Variants in CA10 observed in about 807,000 individuals in gnomAD.
CA10 encodes the protein carbonic anhydrase-related protein 10.
Under a neutral mutation model 44.2 loss-of-function variants are expected in CA10, and 14 were observed. The observed-to-expected ratio is 0.32, with a 90% CI of 0.21 to 0.50. CA10 has a LOEUF of 0.50. Among genes scored for constraint, CA10 ranks in the 20% least tolerant of loss-of-function variants. CA10 has a pLI of 0.99. For synonymous variants in CA10, 159 were observed against 141.6 expected, an observed-to-expected ratio of 1.12 and a Z score of -0.87; for missense variants, 350 against 409.7, an observed-to-expected ratio of 0.85 and a Z score of 1.26.
intron 6 of CA10, 133 bp from the exon 7 acceptor site, chr17:51,636,142 CT>C: frequency 2.1e-6 from 1 of 478,012 alleles, no homozygotes; most frequent in Non-Finnish European, 3.5e-6. Context: ...ATATGTATTT[CT>C]TTTGGAATTC....
intron 4 of CA10, among the ~76,000 whole-genome samples, chr17:51,738,957 G>T (rs1904351567): frequency 6.6e-6 from 1 of 152,042 alleles, no homozygotes; most frequent in African/African-American, 2.4e-5. Context: ...GCCCTTTCTG[G>T]CATTTGATTT....
At chr17:51,731,651 G>A (rs565232529) in intron 4 of CA10, among the ~76,000 whole-genome samples, 105 of 39,326 alleles carry the variant, frequency 2.7e-3, no homozygotes, top group Admixed American at 8.2e-3. Flanking sequence ...GAAAGGGGCT[G>A]GTAAAAAAAA....
At chr17:51,984,899 A>G (rs915325444) in intron 2 of CA10, among the ~76,000 whole-genome samples, 1 of 151,916 alleles carries the variant, frequency 6.6e-6, no homozygotes, top group Non-Finnish European at 1.5e-5. Context: ...CCAAGACCAC[A>G]CGGATTCACA....
chr17:52,098,091 C>A (rs1988450383), intron 1 of CA10, among the ~76,000 whole-genome samples: 1 of 152,114 alleles, frequency 6.6e-6, no homozygotes, highest in Non-Finnish European at 1.5e-5. Context: ...GGTTGGTGCC[C>A]AGAACTGCTG....
chr17:51,874,388 TAAAA>T (rs780808287), intron 3 of CA10, among the ~76,000 whole-genome samples: 1 of 127,458 alleles, frequency 7.8e-6, no homozygotes, highest in African/African-American at 2.8e-5. Context: ...GAGTAATTAT[TAAAA>T]AAAAAAAAAA....
chr17:52,022,486 C>T (rs1356798977), intron 2 of CA10, among the ~76,000 whole-genome samples: 1 of 152,052 alleles, frequency 6.6e-6, no homozygotes, highest in Non-Finnish European at 1.5e-5. Context: ...GACAAACCCA[C>T]AGCCAACACC....
intron 2 of CA10, among the ~76,000 whole-genome samples, chr17:52,058,381 C>T (rs1987287675): frequency 6.6e-6 from 1 of 152,184 alleles, no homozygotes; most frequent in African/African-American, 2.4e-5. Flanking sequence ...ACACATTTCT[C>T]ATTGTCTTAT....
intron 3 of CA10, among the ~76,000 whole-genome samples, chr17:51,797,156 A>T (rs1291426323): frequency 1.3e-5 from 2 of 152,266 alleles, no homozygotes; most frequent in Non-Finnish European, 2.9e-5. Flanking sequence ...CAGCCTTGTC[A>T]TGGGTAGCTC....
At chr17:51,762,154 G>A (rs530474769) in intron 3 of CA10, 1 of 152,170 alleles carries the variant, frequency 6.6e-6, no homozygotes, top group Non-Finnish European at 1.5e-5. Context: ...AGAAACTGAG[G>A]CTCAGTGAGG....
chr17:51,632,842 CCA>C (rs1189822196), intron 8 of CA10, among the ~76,000 whole-genome samples: 1 of 152,122 alleles, frequency 6.6e-6, no homozygotes, highest in African/African-American at 2.4e-5. Context: ...TGGGTGTGCA[CCA>C]CAGAGTTACA....
chr17:51,750,720 C>T (rs1904863128), intron 3 of CA10, among the ~76,000 whole-genome samples: 1 of 152,186 alleles, frequency 6.6e-6, no homozygotes, highest in African/African-American at 2.4e-5. Flanking sequence ...AAGCACAGAA[C>T]CATGGGATTC....
intron 4 of CA10, among the ~76,000 whole-genome samples, chr17:51,668,435 C>T (rs978758831): frequency 6.6e-6 from 1 of 152,336 alleles, no homozygotes; most frequent in Middle Eastern, 3.4e-3. Context: ...GGCCAGGATG[C>T]TTTGAAACTG....
chr17:51,818,744 C>T (rs941664104), intron 3 of CA10, among the ~76,000 whole-genome samples: 2 of 152,166 alleles, frequency 1.3e-5, no homozygotes, highest in Non-Finnish European at 2.9e-5. Context: ...TCCATGGTGC[C>T]TCTGCCACTG....
chr17:52,043,077 A>G (rs1860380977), intron 2 of CA10, among the ~76,000 whole-genome samples: 1 of 151,786 alleles, frequency 6.6e-6, no homozygotes, highest in South Asian at 2.1e-4. Context: ...GGATATTCAG[A>G]GCTGTTTGTG....
intron 3 of CA10, among the ~76,000 whole-genome samples, chr17:51,927,393 T>A (rs918746730): frequency 6.6e-6 from 1 of 152,158 alleles, no homozygotes; most frequent in Non-Finnish European, 1.5e-5. Context: ...TTAATATGTT[T>A]TTTCTCCTTT....
At chr17:51,659,399 T>C (rs1204673064) in intron 4 of CA10, among the ~76,000 whole-genome samples, 6 of 152,290 alleles carry the variant, frequency 3.9e-5, no homozygotes, top group Admixed American at 2.0e-4. Flanking sequence ...AGACTGCACA[T>C]TGTGGGACTT....
chr17:51,806,489 C>A (rs534417871), intron 3 of CA10, among the ~76,000 whole-genome samples: 1 of 151,988 alleles, frequency 6.6e-6, no homozygotes, highest in South Asian at 2.1e-4. Flanking sequence ...TCTCACTGAA[C>A]AAGTAAATTA....
intron 2 of CA10, among the ~76,000 whole-genome samples, chr17:51,959,644 AC>A (rs1186447797): frequency 6.6e-6 from 1 of 151,796 alleles, no homozygotes; most frequent in Non-Finnish European, 1.5e-5. Context: ...GCTCAGGTTG[AC>A]CCCTGGGTGG....
chr17:51,639,902 T>C (rs1913011384), intron 6 of CA10, among the ~76,000 whole-genome samples: 1 of 152,164 alleles, frequency 6.6e-6, no homozygotes, highest in Non-Finnish European at 1.5e-5. Flanking sequence ...CGGGGTTGTT[T>C]GAGGAATAAA....
Sources: allele counts gnomAD v4.1 joint callset (sites outside exome capture counted in the v4.1 genomes callset), GRCh38; gene constraint gnomAD v4.1.1; transcripts MANE v1.5; gene names NCBI Gene and HGNC (gene_info 2026-07-23, HGNC 2026-07-21).